The following IL1RAPL2 variants were observed in gnomAD, a reference collection of about 807,000 sequenced individuals.
IL1RAPL2 encodes interleukin 1 receptor accessory protein like 2, also known as X-linked interleukin-1 receptor accessory protein-like 2.
A neutral mutation model predicts 44.1 loss-of-function variants in IL1RAPL2; 3 were observed. That is an observed-to-expected ratio of 0.07 (90% confidence interval 0.03 to 0.18). The LOEUF is 0.18. Ranked by LOEUF, IL1RAPL2 falls within the 10% of genes least tolerant of loss-of-function variation. The pLI is 1.00. For synonymous variants in IL1RAPL2, 181 were observed against 178.8 expected (o/e 1.01, Z -0.10); for missense variants, 391 against 496.4 (o/e 0.79, Z 2.02).
intron 6 of IL1RAPL2, among the ~76,000 whole-genome samples, chrX:105,493,927 T>C (rs1352468078): frequency 1.8e-5 from 2 of 111,893 alleles, no homozygotes; most frequent in African/African-American, 6.5e-5. Context: ...TTGTAAGCAG[T>C]ACATATGCCT....
intron 5 of IL1RAPL2, among the ~76,000 whole-genome samples, chrX:105,279,728 T>C (rs1262291319): frequency 3.6e-5 from 4 of 112,216 alleles, no homozygotes; most frequent in African/African-American, 1.3e-4. Context: ...TCCTCCCGCC[T>C]TGGCCTCCCA....
rs569985581 is a variant in IL1RAPL2 at position 104,853,393 on chromosome X, T to C, written c.82+194398T>C. ...AGGCAATCTTTAATATTAGTAAGGA[T>C]GGTGAGTCTTTATGGTGGGCAAGTG... On this transcript the variant is annotated intron_variant, in intron 2 of 10. Transcript: ENST00000372582. 9.0e-5 allele frequency among the ~76,000 whole-genome samples: 10 copies of C among 111,012 alleles called. No homozygotes were observed. The South Asian group carries it at 2.3e-3, about 26-fold the overall frequency.
chrX:105,668,232 C>T (rs2079599136), intron 6 of IL1RAPL2, among the ~76,000 whole-genome samples: 1 of 111,944 alleles, frequency 8.9e-6, no homozygotes, highest in African/African-American at 3.2e-5. Flanking sequence ...TTTGAGGTGA[C>T]AAGGTGGATT....
chrX:104,878,468 A>G (rs929038777), intron 2 of IL1RAPL2, among the ~76,000 whole-genome samples: 1 of 112,223 alleles, frequency 8.9e-6, no homozygotes, highest in South Asian at 3.7e-4. Context: ...AGGAAAGTTA[A>G]ATAGATTGCT....
chrX:104,590,930 A>G (rs1928652892), intron 1 of IL1RAPL2, among the ~76,000 whole-genome samples: 1 of 111,906 alleles, frequency 8.9e-6, no homozygotes, highest in African/African-American at 3.2e-5. Flanking sequence ...ACATACAGGT[A>G]ATGGAACACA....
chrX:105,183,152 A>G (rs782577285), intron 2 of IL1RAPL2, among the ~76,000 whole-genome samples: 4 of 111,259 alleles, frequency 3.6e-5, no homozygotes, highest in East Asian at 2.9e-4. Flanking sequence ...GCAGGGCAGG[A>G]TGACCCACTG....
intron 2 of IL1RAPL2, among the ~76,000 whole-genome samples, chrX:104,671,040 T>C (rs567070850): frequency 9.0e-6 from 1 of 111,414 alleles, no homozygotes; most frequent in Admixed American, 9.6e-5. Flanking sequence ...AGACCCTTAA[T>C]TTATTCCTTA....
intron 6 of IL1RAPL2, among the ~76,000 whole-genome samples, chrX:105,492,646 A>G (rs991715205): frequency 2.5e-4 from 28 of 109,828 alleles, no homozygotes; most frequent in Non-Finnish European, 5.3e-4. Flanking sequence ...TGGAGCTGTC[A>G]CTTATTGATT....
At chrX:104,887,020 A>G (rs1387538798) in intron 2 of IL1RAPL2, among the ~76,000 whole-genome samples, 1 of 112,633 alleles carries the variant, frequency 8.9e-6, no homozygotes, top group African/African-American at 3.2e-5. Context: ...CAGGTCAAAT[A>G]TCTAGGCCTA....
intron 2 of IL1RAPL2, among the ~76,000 whole-genome samples, chrX:104,726,986 T>TA (rs1307020478): frequency 3.6e-4 from 38 of 105,459 alleles, no homozygotes; most frequent in East Asian, 2.9e-3. Flanking sequence ...ACCTGAAAAT[T>TA]AAAAAAAAAA....
chrX:105,504,265 T>C (rs1389059197), intron 6 of IL1RAPL2, among the ~76,000 whole-genome samples: 2 of 111,895 alleles, frequency 1.8e-5, no homozygotes, highest in African/African-American at 6.5e-5. Context: ...AAGTCCTATA[T>C]AAAAATAGGC....
chrX:105,510,208 G>A (rs184648507), intron 6 of IL1RAPL2, among the ~76,000 whole-genome samples: 4 of 110,594 alleles, frequency 3.6e-5, no homozygotes, highest in South Asian at 3.8e-4. Flanking sequence ...AACAGCCTCC[G>A]CAATATCATA....
chrX:105,452,574 T>G (rs1248921885), intron 5 of IL1RAPL2, among the ~76,000 whole-genome samples: 1 of 111,803 alleles, frequency 8.9e-6, no homozygotes, highest in Non-Finnish European at 1.9e-5. Flanking sequence ...CTGGTATTGT[T>G]GATGTATCTG....
At chrX:105,684,377 C>G (rs2037951368) in intron 6 of IL1RAPL2, among the ~76,000 whole-genome samples, 1 of 113,044 alleles carries the variant, frequency 8.8e-6, no homozygotes. Flanking sequence ...CAAGGAGATT[C>G]TCTCCTGTGC....
chrX:105,433,577 C>A (rs1160394910), intron 5 of IL1RAPL2, among the ~76,000 whole-genome samples: 1 of 111,526 alleles, frequency 9.0e-6, no homozygotes, highest in Admixed American at 9.5e-5. Flanking sequence ...TATTCCTTTA[C>A]ATATTTACTA....
intron 2 of IL1RAPL2, among the ~76,000 whole-genome samples, chrX:104,853,180 T>C (rs925182917): frequency 8.9e-6 from 1 of 112,315 alleles, no homozygotes; most frequent in Non-Finnish European, 1.9e-5. Flanking sequence ...AATTGATCAT[T>C]ATATTCACTC....
rs1191252317 is a variant in IL1RAPL2, at chrX:105,222,180, A to G, written c.357-11638A>G. On this transcript the variant is annotated intron_variant, in intron 3 of 10. Coordinates refer to ENST00000372582, the MANE Select transcript of IL1RAPL2 (RefSeq NM_017416.2). ...ATTTATGTACCTAAGGGACTAAGCC[A>G]TACAGGGATACACTGATTTTGGCGT... 3.6e-5 allele frequency among the ~76,000 whole-genome samples: 4 copies of G among 112,037 alleles called. No homozygotes were observed. In the East Asian group the frequency reaches 8.4e-4, roughly 23 times the overall value.
rs757742358 is a variant in IL1RAPL2 at position 105,140,484 on chromosome X, C to T, written c.83-54991C>T. On this transcript the variant is annotated intron_variant, in intron 2 of 10. Coordinates refer to ENST00000372582, the MANE Select transcript of IL1RAPL2 (RefSeq NM_017416.2). The stretch of plus-strand genomic sequence containing the variant: ...GAATGGCATTCTGGCACAAAGCAGC[C>T]CTGGTCTGTTTACTTCTGGCTTTTT... 2.8e-5 allele frequency among the ~76,000 whole-genome samples: 3 copies of T among 106,597 alleles called. No individual in the cohort carries two copies. The South Asian group carries it at 1.1e-3, about 39-fold the overall frequency. 92.6% of individuals were successfully genotyped at this position (106,597 alleles called of 115,157 possible).
intron 5 of IL1RAPL2, among the ~76,000 whole-genome samples, chrX:105,414,732 A>G (rs1351565464): frequency 8.9e-6 from 1 of 111,983 alleles, no homozygotes; most frequent in Admixed American, 9.5e-5. Context: ...ATCCCAATGT[A>G]GGTACATTTT....
Sources: gnomAD v4.1 joint callset for allele counts (sites outside exome capture counted in the v4.1 genomes callset) on GRCh38, gnomAD v4.1.1 for gene constraint, MANE v1.5 for transcripts, NCBI Gene and HGNC (gene_info 2026-07-23, HGNC 2026-07-21) for gene names.